DERL1: variants seen among roughly 807,000 people sequenced by gnomAD.
DERL1 encodes derlin 1, also known as derlin-1.
Under a neutral mutation model 41.6 loss-of-function variants are expected in DERL1, and 24 were observed. That is an observed-to-expected ratio of 0.58 (90% CI 0.42 to 0.81). The LOEUF (loss-of-function observed/expected upper bound fraction) is 0.81. Among genes scored for constraint, DERL1 ranks in the 30% least tolerant of loss-of-function variants. The probability of loss-of-function intolerance (pLI) is 0.00; values close to 1 mark genes in which losing one functional copy is unlikely to be tolerated. For missense variants in DERL1, 260 were observed against 314.3 expected, an observed-to-expected ratio of 0.83 and a Z score of 1.31; for synonymous variants, 124 against 112.5, an observed-to-expected ratio of 1.10 and a Z score of -0.65.
chr8:123,033,743 T>C (rs570146808), intron 1 of DERL1, among the ~76,000 whole-genome samples: 18 of 152,104 alleles, frequency 1.2e-4, no homozygotes, highest in Non-Finnish European at 2.2e-4. Context: ...AACTATGTCT[T>C]AACAAAAAAG....
intron 1 of DERL1, among the ~76,000 whole-genome samples, chr8:123,040,170 T>C (rs1813014549): frequency 6.6e-6 from 1 of 151,946 alleles, no homozygotes; most frequent in Non-Finnish European, 1.5e-5. Flanking sequence ...TGAACCAAGA[T>C]TGCGCCATAT....
intron 5 of DERL1, among the ~76,000 whole-genome samples, chr8:123,021,889 C>A (rs1379811346): frequency 6.6e-6 from 1 of 152,058 alleles, no homozygotes; most frequent in South Asian, 2.1e-4. Context: ...ATAAACATAC[C>A]CCATCTTTTT....
intron 4 of DERL1, among the ~76,000 whole-genome samples, chr8:123,023,366 G>A (rs1812607822): frequency 6.6e-6 from 1 of 152,052 alleles, no homozygotes; most frequent in Admixed American, 6.6e-5. Context: ...GACCAGCCTG[G>A]TGACATGGTG....
At position 123,013,399 on chromosome 8, in the gene DERL1, CA is replaced by C. The variant is rs1430975646; in HGVS notation, c.*2047del. ...TTTACCAATAAAAAGGATTAGTTTACAAAAAGGGAAGTCCTTTATACAAAAT... is the reference window on the plus strand; with the variant it reads ...TTTACCAATAAAAAGGATTAGTTTACAAAAGGGAAGTCCTTTATACAAAAT... On this transcript the variant is annotated 3_prime_UTR_variant, in exon 8 of 8. Coordinates refer to ENST00000259512, the MANE Select transcript of DERL1 (RefSeq NM_024295.6). 1 of 151,700 alleles carries C rather than the reference CA, an allele frequency of 6.6e-6. No individual in the cohort carries two copies. The highest frequency in any genetic ancestry group is 1.5e-5 in the Non-Finnish European group (1 of 67,910). The allele number at this position is 151,700 out of a possible 1,614,324, so 9.4% of individuals were successfully genotyped here.
At position 123,025,117 on chromosome 8, in the gene DERL1, A is replaced by G. The variant is rs1812654919; in HGVS notation, c.266-67T>C. ...ACAACAAAGTAACATCTACATAGAG[A>G]AACACTTCAAAAAGTTACAGAAAAA... On this transcript the variant is annotated intron_variant, in intron 2 of 7. Transcript: ENST00000259512. The G allele has an allele frequency of 1.6e-5, 24 of 1,507,166 alleles. No homozygotes were observed. The East Asian group carries it at 5.5e-4, about 34-fold the overall frequency. 93.4% of individuals were successfully genotyped at this position (1,507,166 alleles called of 1,614,324 possible). A position where few individuals can be genotyped will look rare whatever the true frequency, so the allele number is the denominator to read the frequency against.
At chr8:123,034,145 T>C (rs1265616889) in intron 1 of DERL1, among the ~76,000 whole-genome samples, 3 of 152,202 alleles carry the variant, frequency 2.0e-5, no homozygotes, top group Non-Finnish European at 4.4e-5. Context: ...GTGGCTGGAA[T>C]GGAGGACGTC....
At chr8:123,031,539 G>A (rs550395693) in intron 1 of DERL1, among the ~76,000 whole-genome samples, 59 of 151,974 alleles carry the variant, frequency 3.9e-4, no homozygotes, top group Non-Finnish European at 7.8e-4. Flanking sequence ...GCGAAACTCC[G>A]TCTCAAAAAA....
At chr8:123,015,723 T>C (rs1346799279) in intron 7 of DERL1, 138 bp from the exon 8 acceptor site, 1 of 1,130,460 alleles carries the variant, frequency 8.8e-7, no homozygotes, top group Non-Finnish European at 1.2e-6. Flanking sequence ...AGGGACGTCT[T>C]ATTTAACTTT....
rs1378125719 is a variant in DERL1 at position 123,015,463 on chromosome 8, C to T, written c.740G>A (p.Arg247Gln). The T allele has an allele frequency of 3.7e-6, 6 of 1,612,876 alleles. No individual in the cohort carries two copies. The highest frequency in any genetic ancestry group is 2.2e-5 in the East Asian group (1 of 44,864). ...GGRHNWGQGF[R>Q]LGDQ ...GCCGCCCCTTCACTGGTCTCCAAGTCGAAAGCCCTGGCCCCAGTTGTGTCT... is the reference window on the plus strand; with the variant it reads ...GCCGCCCCTTCACTGGTCTCCAAGTTGAAAGCCCTGGCCCCAGTTGTGTCT... Residue 247 changes from arginine (R) to glutamine (Q), a missense_variant, in exon 8 of 8, where the codon CGA becomes CAA. By Grantham distance (43) the Arg-to-Gln change is conservative. Transcript: ENST00000259512.
chr8:123,015,541 C>A lies in DERL1; in HGVS notation c.662G>T (p.Gly221Val). 1.2e-6 allele frequency: 2 copies of A among 1,612,600 alleles called. No homozygotes were observed. Among genetic ancestry groups the A allele is most frequent in the Non-Finnish European group, 1.7e-6 (2 of 1,179,390 alleles). Residue 221 changes from glycine (G) to valine (V), a missense_variant, in exon 8 of 8, where the codon GGT (glycine) becomes GTT (valine). Transcript: ENST00000259512. The stretch of plus-strand genomic sequence containing the variant: ...TCGCCTCATGCTAGCAGGGGGCACA[C>A]CAAATCCTGATACTCCTCCTCTCCT... ...PSRRGGVSGF[G>V]VPPASMRRAA...
At chr8:123,041,835 G>GC in intron 1 of DERL1, 135 bp downstream of exon 1, 1 of 1,263,498 alleles carries the variant, frequency 7.9e-7, no homozygotes, top group South Asian at 1.6e-5. Flanking sequence ...AAAGGACCCC[G>GC]CCCTAAACCG....
At chr8:123,019,144 C>G (rs1261003484) in intron 7 of DERL1, 51 bp downstream of exon 7, 11 of 1,287,604 alleles carry the variant, frequency 8.5e-6, no homozygotes, top group Non-Finnish European at 1.1e-5. Flanking sequence ...TTAGGATGCA[C>G]TAAGAACACA....
intron 1 of DERL1, 104 bp downstream of exon 1, chr8:123,041,866 A>T: frequency 7.0e-7 from 1 of 1,424,728 alleles, no homozygotes; most frequent in Admixed American, 2.9e-5. Context: ...ACCCACTACA[A>T]ATCCCAGCAG....
intron 1 of DERL1, among the ~76,000 whole-genome samples, chr8:123,035,711 C>G (rs1405646571): frequency 6.6e-6 from 1 of 152,164 alleles, no homozygotes; most frequent in African/African-American, 2.4e-5. Context: ...CATGTGCTCA[C>G]TGCTATATAC....
chr8:123,016,160 A>G (rs1194994800), intron 7 of DERL1: 2 of 152,222 alleles, frequency 1.3e-5, no homozygotes, highest in African/African-American at 4.8e-5. Flanking sequence ...CCCTTCTCAC[A>G]GATGGTGGGA....
chr8:123,015,517 C>T lies in DERL1; in HGVS notation c.686G>A (p.Arg229Gln), dbSNP rs781773566. Residue 229 changes from arginine to glutamine, a missense_variant, in exon 8 of 8, where the codon CGA becomes CAA. By Grantham distance (43) the Arg-to-Gln change is conservative (BLOSUM62 1). Transcript: ENST00000259512. ...GCCTCCGCCATTCTGATCAGCAGCT[C>T]GCCTCATGCTAGCAGGGGGCACACC... is the stretch of plus-strand genomic sequence containing the variant. Reference protein sequence around the residue: ...GFGVPPASMRRAADQNGGGGR... With the variant: ...GFGVPPASMRQAADQNGGGGR... 5.0e-6 allele frequency: 8 copies of T among 1,613,244 alleles called. No homozygotes were observed. In the South Asian group the frequency reaches 6.6e-5, roughly 13 times the overall value.
chr8:123,022,368 G>A (rs907839296), intron 5 of DERL1, among the ~76,000 whole-genome samples: 2 of 151,900 alleles, frequency 1.3e-5, no homozygotes, highest in African/African-American at 4.8e-5. Flanking sequence ...AACGAGGGAG[G>A]GATAAGAACA....
At position 123,013,483 on chromosome 8, in the gene DERL1, G is replaced by A. The variant is rs1210048977; in HGVS notation, c.*1964C>T. The A allele has an allele frequency of 6.6e-6, 1 of 151,966 alleles. No individual in the cohort carries two copies. Among genetic ancestry groups the A allele is most frequent in the East Asian group, 1.9e-4 (1 of 5,188 alleles). 9.4% of individuals were successfully genotyped at this position (151,966 alleles called of 1,614,324 possible). On this transcript the variant is annotated 3_prime_UTR_variant, in exon 8 of 8. Coordinates refer to ENST00000259512, the MANE Select transcript of DERL1 (RefSeq NM_024295.6). ...CCACTGTCATGTTTTGCCTTGTCAA[G>A]TCAAAACTCAAATAGCTTGTTTTGG...
At chr8:123,033,500 T>G (rs1331390231) in intron 1 of DERL1, among the ~76,000 whole-genome samples, 1 of 152,140 alleles carries the variant, frequency 6.6e-6, no homozygotes, top group Non-Finnish European at 1.5e-5. Flanking sequence ...TCCCAGCACT[T>G]TGGGAGGCCG....
Sources: allele counts gnomAD v4.1 joint callset (sites outside exome capture counted in the v4.1 genomes callset), GRCh38; gene constraint gnomAD v4.1.1; transcripts MANE v1.5; gene names NCBI Gene and HGNC (gene_info 2026-07-23, HGNC 2026-07-21).